URM1: variants seen among roughly 807,000 people sequenced by gnomAD.
The protein encoded by URM1 is ubiquitin related modifier 1, also known as ubiquitin-related modifier 1.
URM1 carries 11 observed loss-of-function variants against 17.7 expected under a neutral mutation model. The ratio of observed to expected loss-of-function variants is 0.62; its 90% confidence interval spans 0.39 to 1.03. URM1 has a LOEUF of 1.03. URM1 is among the 50% of genes least tolerant of loss of function. The pLI, the probability that URM1 is intolerant of heterozygous loss-of-function variation, is 0.00. For synonymous variants in URM1, 48 were observed against 50.6 expected (o/e 0.95, Z 0.22); for missense variants, 128 against 129.2 (o/e 0.99, Z 0.04).
chr9:128,385,506 A>T (rs1386734424), intron 2 of URM1, among the ~76,000 whole-genome samples: 1 of 152,026 alleles, frequency 6.6e-6, no homozygotes, highest in Non-Finnish European at 1.5e-5. Flanking sequence ...CTAGTAGGAG[A>T]GGGAAGACAA....
chr9:128,385,080 G>T (rs1489754175), intron 2 of URM1, among the ~76,000 whole-genome samples: 1 of 152,166 alleles, frequency 6.6e-6, no homozygotes, highest in Non-Finnish European at 1.5e-5. Flanking sequence ...AGGTTCACTG[G>T]GAGGGAGAGG....
chr9:128,378,671 CAGGCCAGGTG>C (rs1833114259), intron 2 of URM1, among the ~76,000 whole-genome samples: 1 of 151,638 alleles, frequency 6.6e-6, no homozygotes, highest in East Asian at 1.9e-4. Context: ...AAGCCAGTCC[CAGGCCAGGTG>C]TGGAGGCTCA....
rs114245612 is a variant in URM1 at position 128,389,831 on chromosome 9, T to A, written c.*97T>A. The A allele has an allele frequency of 1.8e-3, 2,694 of 1,533,026 alleles. 42 individuals are homozygous for A. In the African/African-American group the frequency reaches 0.031, roughly 17 times the overall value. The allele number at this position is 1,533,026 out of a possible 1,614,324, so 95.0% of individuals were successfully genotyped here. A position where few individuals can be genotyped will look rare whatever the true frequency, so the allele number is the denominator to read the frequency against. Reference sequence around the variant, plus strand: ...TCCAGGTCTCCCTGTCCCCCTTGCCTGCCTTCTTCCCTGCTCTGTCCCCTA... The same window carrying A: ...TCCAGGTCTCCCTGTCCCCCTTGCCAGCCTTCTTCCCTGCTCTGTCCCCTA... On this transcript the variant is annotated 3_prime_UTR_variant, in exon 5 of 5. Coordinates refer to ENST00000372853, the MANE Select transcript of URM1 (RefSeq NM_030914.4).
At chr9:128,377,975 C>T in intron 1 of URM1, 61 bp from the exon 2 acceptor site, 1 of 1,594,118 alleles carries the variant, frequency 6.3e-7, no homozygotes, top group Non-Finnish European at 8.6e-7. Flanking sequence ...TCTGTTTCCG[C>T]TACCTCTTCC....
intron 1 of URM1, among the ~76,000 whole-genome samples, chr9:128,376,400 C>T (rs1419546636): frequency 6.8e-6 from 1 of 146,768 alleles, no homozygotes; most frequent in East Asian, 2.1e-4. Context: ...TGGCTCACGC[C>T]TGTAATCCCA....
chr9:128,384,331 G>A (rs1314684366), intron 2 of URM1, among the ~76,000 whole-genome samples: 1 of 152,146 alleles, frequency 6.6e-6, no homozygotes, highest in Non-Finnish European at 1.5e-5. Flanking sequence ...TGTGCCCGGG[G>A]GCAGCCTGGC....
intron 2 of URM1, among the ~76,000 whole-genome samples, chr9:128,384,526 C>T (rs570801415): frequency 3.3e-5 from 5 of 152,160 alleles, no homozygotes; most frequent in African/African-American, 9.7e-5. Flanking sequence ...ATACGGGATG[C>T]CACAGAAAAC....
intron 2 of URM1, among the ~76,000 whole-genome samples, chr9:128,379,730 G>T (rs1166581125): frequency 1.3e-5 from 2 of 151,846 alleles, no homozygotes; most frequent in Non-Finnish European, 2.9e-5. Flanking sequence ...AACCTAAAGG[G>T]GCGGAGGTTG....
intron 2 of URM1, among the ~76,000 whole-genome samples, chr9:128,383,357 T>A (rs542000627): frequency 6.6e-6 from 1 of 152,172 alleles, no homozygotes; most frequent in East Asian, 1.9e-4. Flanking sequence ...TGATGTTCCC[T>A]CCACCCCCTC....
rs532388503 is a variant in URM1 at position 128,391,648 on chromosome 9, A to C, written c.*1914A>C. The C allele has an allele frequency of 2.6e-5, 4 of 152,322 alleles. No individual in the cohort carries two copies. The South Asian group carries it at 8.3e-4, about 32-fold the overall frequency. 9.4% of individuals were successfully genotyped at this position (152,322 alleles called of 1,614,324 possible). ...CGGCCCCATCAGTGCACCTGATTGG[A>C]ACACACTAGATTTCAGGTCCTGGAA... On this transcript the variant is annotated 3_prime_UTR_variant, in exon 5 of 5. Coordinates refer to ENST00000372853, the MANE Select transcript of URM1 (RefSeq NM_030914.4).
Position 128,374,032 on chromosome 9 carries a change from T to C in URM1, c.35+2617T>C, listed in dbSNP as rs78484730. On this transcript the variant is annotated intron_variant, in intron 1 of 4. Coordinates refer to ENST00000372853, the MANE Select transcript of URM1 (RefSeq NM_030914.4). ...TATCTACAAACACATCCACCAAGAA[T>C]TGGGGGGGTTGAAGGAAGATGGAGA... Among the ~76,000 whole-genome samples the C allele has an allele frequency of 8.0e-3, 1,219 of 152,222 alleles. 14 individuals carry two copies. The highest frequency in any genetic ancestry group is 0.028 in the African/African-American group (1,180 of 41,544).
chr9:128,389,219 C>T (rs776966806), intron 3 of URM1, 42 bp from the exon 4 acceptor site: 1 of 1,563,368 alleles, frequency 6.4e-7, no homozygotes, highest in Non-Finnish European at 8.7e-7. Flanking sequence ...CTACTGCCTC[C>T]TGCCTCTCAC....
chr9:128,385,651 T>C (rs1833216836), intron 2 of URM1, among the ~76,000 whole-genome samples: 1 of 152,158 alleles, frequency 6.6e-6, no homozygotes, highest in African/African-American at 2.4e-5. Context: ...AAGCCGACCA[T>C]CTGGCTTGGA....
intron 4 of URM1, 26 bp downstream of exon 4, chr9:128,389,335 C>G: frequency 6.2e-7 from 1 of 1,613,926 alleles, no homozygotes; most frequent in Admixed American, 1.7e-5. Context: ...GACATCCCTC[C>G]CCCAGCCCCT....
At chr9:128,382,068 T>G (rs922409626) in intron 2 of URM1, among the ~76,000 whole-genome samples, 5 of 152,194 alleles carry the variant, frequency 3.3e-5, no homozygotes, top group Admixed American at 2.6e-4. Flanking sequence ...GACTCAGATT[T>G]TTTTATCCTT....
At chr9:128,384,933 A>G (rs1415722858) in intron 2 of URM1, among the ~76,000 whole-genome samples, 1 of 151,776 alleles carries the variant, frequency 6.6e-6, no homozygotes, top group Non-Finnish European at 1.5e-5. Context: ...CCAGTTGTCC[A>G]CTCAAGTAAT....
intron 2 of URM1, among the ~76,000 whole-genome samples, chr9:128,382,392 C>T (rs1432872451): frequency 6.6e-6 from 1 of 152,120 alleles, no homozygotes; most frequent in Non-Finnish European, 1.5e-5. Context: ...AGTCCATGCC[C>T]AGATATGTCA....
At chr9:128,386,631 C>T (rs1833230996) in intron 2 of URM1, among the ~76,000 whole-genome samples, 1 of 152,224 alleles carries the variant, frequency 6.6e-6, no homozygotes, top group Admixed American at 6.5e-5. Flanking sequence ...AGGCTGGGGC[C>T]GTGTGTGCGT....
At chr9:128,389,403 C>T in intron 4 of URM1, 94 bp downstream of exon 4, 1 of 1,610,482 alleles carries the variant, frequency 6.2e-7, no homozygotes, top group Non-Finnish European at 8.5e-7. Context: ...TATAGAGTGG[C>T]TGGGTAATCC....
Sources: allele counts gnomAD v4.1 joint callset (sites outside exome capture counted in the v4.1 genomes callset), GRCh38; gene constraint gnomAD v4.1.1; transcripts MANE v1.5; gene names NCBI Gene and HGNC (gene_info 2026-07-23, HGNC 2026-07-21).